LRRC7: variants seen among roughly 807,000 people sequenced by gnomAD.
The protein encoded by LRRC7 is leucine-rich repeat-containing protein 7.
A neutral mutation model predicts 175.7 loss-of-function variants in LRRC7; 23 were observed. The ratio of observed to expected loss-of-function variants is 0.13; its 90% CI spans 0.09 to 0.19. The LOEUF is 0.19. Among genes scored for constraint, LRRC7 ranks in the 10% least tolerant of loss-of-function variants. The pLI, the probability that LRRC7 is intolerant of heterozygous loss-of-function variation, is 1.00. For missense variants in LRRC7, 1,354 were observed against 1,904.7 expected (o/e 0.71, Z 5.38); for synonymous variants, 685 against 680.9 (o/e 1.01, Z -0.09).
At chr1:69,629,031 G>C (rs1291714170) in intron 1 of LRRC7, among the ~76,000 whole-genome samples, 1 of 152,038 alleles carries the variant, frequency 6.6e-6, no homozygotes, top group Non-Finnish European at 1.5e-5. Context: ...AGATTACATA[G>C]GAGAAAATCT....
At chr1:69,792,563 GT>G (rs775302807) in intron 4 of LRRC7, among the ~76,000 whole-genome samples, 1 of 151,922 alleles carries the variant, frequency 6.6e-6, no homozygotes. Context: ...CTGGGCTTCA[GT>G]TTTTTCCCCT....
chr1:69,627,001 C>T lies in LRRC7; in HGVS notation c.3-51380C>T, dbSNP rs576317414. Among the ~76,000 whole-genome samples the T allele has an allele frequency of 5.3e-5, 8 of 152,142 alleles. No homozygotes were observed. The East Asian group carries it at 1.2e-3, about 22-fold the overall frequency. On this transcript the variant is annotated intron_variant, in intron 1 of 26. Transcript: ENST00000651989. The stretch of plus-strand genomic sequence containing the variant: ...ATGGACATTTGGGTTGGTTCCAAGT[C>T]TTTGCTATTGTGAATAGTGCCACAA...
At chr1:69,618,770 G>A (rs919052024) in intron 1 of LRRC7, among the ~76,000 whole-genome samples, 67 of 152,126 alleles carry the variant, frequency 4.4e-4, no homozygotes, top group African/African-American at 1.6e-3. Context: ...TCATCACTTC[G>A]CCTAAAGCTA....
intron 7 of LRRC7, among the ~76,000 whole-genome samples, chr1:69,873,020 T>C (rs887936949): frequency 2.6e-5 from 4 of 152,162 alleles, no homozygotes; most frequent in Non-Finnish European, 5.9e-5. Flanking sequence ...TTAAAATTCA[T>C]AGTAAAATAT....
chr1:69,998,197 GC>G (rs1398771247), intron 11 of LRRC7, among the ~76,000 whole-genome samples: 1 of 152,090 alleles, frequency 6.6e-6, no homozygotes, highest in East Asian at 1.9e-4. Context: ...AATTTGATAA[GC>G]TTTGACGTAG....
intron 7 of LRRC7, among the ~76,000 whole-genome samples, chr1:69,904,555 T>TTTATAG (rs1157909831): frequency 7.5e-6 from 1 of 132,472 alleles, no homozygotes; most frequent in Non-Finnish European, 1.7e-5. Context: ...TTATAAAAAT[T>TTTATAG]TCTTTTTTAG....
At chr1:70,040,687 G>A (rs1342954356) in intron 21 of LRRC7, among the ~76,000 whole-genome samples, 11 of 152,086 alleles carry the variant, frequency 7.2e-5, no homozygotes, top group African/African-American at 1.9e-4. Context: ...GGTGGCGCAC[G>A]CCTGTAATCC....
At chr1:69,642,065 G>A (rs1001361060) in intron 1 of LRRC7, among the ~76,000 whole-genome samples, 2 of 151,832 alleles carry the variant, frequency 1.3e-5, no homozygotes, top group African/African-American at 4.8e-5. Context: ...TCATGTGGTT[G>A]AATACAATTT....
chr1:69,877,520 A>G (rs1012920088), intron 7 of LRRC7, among the ~76,000 whole-genome samples: 1 of 152,206 alleles, frequency 6.6e-6, no homozygotes, highest in Non-Finnish European at 1.5e-5. Flanking sequence ...AATACATACC[A>G]TAGAATGAAC....
Position 70,122,511 on chromosome 1 carries a change from T to C in LRRC7, c.*624T>C, listed in dbSNP as rs774238224. 7.2e-5 allele frequency: 11 copies of C among 152,088 alleles called. No homozygotes were observed. Among genetic ancestry groups the C allele is most frequent in the Non-Finnish European group, 1.5e-4 (10 of 67,928 alleles). The allele number at this position is 152,088 out of a possible 1,614,324, so 9.4% of individuals were successfully genotyped here. A position where few individuals can be genotyped will look rare whatever the true frequency, so the allele number is the denominator to read the frequency against. On this transcript the variant is annotated 3_prime_UTR_variant, in exon 27 of 27. Coordinates refer to ENST00000651989, the MANE Select transcript of LRRC7 (RefSeq NM_001370785.2). ...ACATATGGTATAAAGTGTTTATATT[T>C]GGTTCCATATTCATTTGCTAAATTC...
At chr1:69,604,684 G>T (rs1281009708) in intron 1 of LRRC7, among the ~76,000 whole-genome samples, 1 of 149,930 alleles carries the variant, frequency 6.7e-6, no homozygotes, top group African/African-American at 2.4e-5. Flanking sequence ...TTTTTAAGTA[G>T]TTCTAAATAT....
chr1:69,934,800 G>T (rs1647818048), intron 8 of LRRC7, among the ~76,000 whole-genome samples: 2 of 152,102 alleles, frequency 1.3e-5, no homozygotes, highest in African/African-American at 4.8e-5. Flanking sequence ...CATCCTCTTT[G>T]CTGACCATGG....
intron 24 of LRRC7, among the ~76,000 whole-genome samples, chr1:70,085,756 T>C (rs1320327432): frequency 6.6e-6 from 1 of 152,220 alleles, no homozygotes; most frequent in Non-Finnish European, 1.5e-5. Context: ...CTACCTTTCC[T>C]GCTGTTTTCC....
intron 8 of LRRC7, among the ~76,000 whole-genome samples, chr1:69,963,955 T>A (rs1206673242): frequency 6.6e-6 from 1 of 152,160 alleles, no homozygotes; most frequent in Non-Finnish European, 1.5e-5. Flanking sequence ...TTGAACGAAA[T>A]AAGGTCTATC....
intron 8 of LRRC7, among the ~76,000 whole-genome samples, chr1:69,959,313 T>C (rs1650813157): frequency 6.6e-6 from 1 of 152,050 alleles, no homozygotes; most frequent in African/African-American, 2.4e-5. Flanking sequence ...CGATGAACTG[T>C]TAATGAATCT....
intron 7 of LRRC7, among the ~76,000 whole-genome samples, chr1:69,856,242 A>C (rs2101497602): frequency 6.6e-6 from 1 of 152,318 alleles, no homozygotes; most frequent in Middle Eastern, 3.4e-3. Flanking sequence ...AGCTAGCAGA[A>C]GGTAAGAAAT....
At chr1:69,934,504 G>T (rs1402076005) in intron 8 of LRRC7, among the ~76,000 whole-genome samples, 1 of 61,936 alleles carries the variant, frequency 1.6e-5, no homozygotes, top group Admixed American at 2.3e-4. Context: ...CGGGGGGGGG[G>T]CGGGGGGTGG....
intron 25 of LRRC7, among the ~76,000 whole-genome samples, chr1:70,102,450 G>T (rs1268136044): frequency 6.6e-6 from 1 of 152,176 alleles, no homozygotes; most frequent in Non-Finnish European, 1.5e-5. Flanking sequence ...AATAAATGTG[G>T]TATAGTTGGA....
chr1:69,769,498 C>CA (rs1164517545), intron 3 of LRRC7, among the ~76,000 whole-genome samples: 1 of 151,998 alleles, frequency 6.6e-6, no homozygotes, highest in Non-Finnish European at 1.5e-5. Context: ...GTTCCATGCA[C>CA]AAAAATTATT....
Sources: gnomAD v4.1 joint callset for allele counts (sites outside exome capture counted in the v4.1 genomes callset) on GRCh38, gnomAD v4.1.1 for gene constraint, MANE v1.5 for transcripts, NCBI Gene and HGNC (gene_info 2026-07-23, HGNC 2026-07-21) for gene names.